DNAJC12: variants seen among roughly 807,000 people sequenced by gnomAD.
DNAJC12 encodes DnaJ heat shock protein family (Hsp40) member C12.
A neutral mutation model predicts 28.5 loss-of-function variants in DNAJC12; 25 were observed. That is an observed-to-expected ratio of 0.88 (90% CI 0.64 to 1.22). DNAJC12 has a LOEUF of 1.22. Ranked by LOEUF, DNAJC12 falls within the 50% of genes most tolerant of loss-of-function variation. DNAJC12 has a pLI of 0.00. For missense variants in DNAJC12, 222 were observed against 231.7 expected, an observed-to-expected ratio of 0.96 and a Z score of 0.27; for synonymous variants, 77 against 80.6, an observed-to-expected ratio of 0.95 and a Z score of 0.24.
chr10:67,805,549 CT>C, intron 4 of DNAJC12, 33 bp downstream of exon 4: 1 of 1,562,140 alleles, frequency 6.4e-7, no homozygotes, highest in Admixed American at 2.1e-5. Flanking sequence ...AATTTCAGAC[CT>C]TCTCCATTCT....
intron 1 of DNAJC12, among the ~76,000 whole-genome samples, chr10:67,824,900 A>C (rs567050343): frequency 3.8e-4 from 58 of 151,768 alleles, no homozygotes; most frequent in African/African-American, 1.3e-3. Context: ...CGCCTGGCTA[A>C]TTTTTGTATT....
chr10:67,799,613 G>A (rs567158874), intron 4 of DNAJC12, among the ~76,000 whole-genome samples: 1 of 152,288 alleles, frequency 6.6e-6, no homozygotes, highest in South Asian at 2.1e-4. Flanking sequence ...GGCCAGGTGC[G>A]GTGGCTCACG....
intron 1 of DNAJC12, among the ~76,000 whole-genome samples, chr10:67,828,120 A>G (rs1038776722): frequency 1.3e-5 from 2 of 152,116 alleles, no homozygotes; most frequent in Non-Finnish European, 2.9e-5. Context: ...AAAATTTTCA[A>G]CTCTACTCAT....
chr10:67,801,907 G>A (rs1040677033), intron 4 of DNAJC12, among the ~76,000 whole-genome samples: 1 of 122,024 alleles, frequency 8.2e-6, no homozygotes, highest in Non-Finnish European at 1.6e-5. Flanking sequence ...TATCACCCAG[G>A]CTGGAGTGCA....
intron 1 of DNAJC12, chr10:67,825,171 TAAG>T (rs1399255841): frequency 6.6e-6 from 1 of 152,222 alleles, no homozygotes; most frequent in Admixed American, 6.5e-5. Context: ...CTGATCATAA[TAAG>T]AACTCAATAA....
chr10:67,837,715 G>C (rs1248958909), intron 1 of DNAJC12, among the ~76,000 whole-genome samples: 1 of 152,074 alleles, frequency 6.6e-6, no homozygotes, highest in Non-Finnish European at 1.5e-5. Flanking sequence ...TATTTAATCA[G>C]AAGCTTCCGT....
rs141595506 is a variant in DNAJC12 at position 67,823,337 on chromosome 10, T to A, written c.134A>T (p.Lys45Met). 4.5e-5 allele frequency: 73 copies of A among 1,614,034 alleles called. No homozygotes were observed. The highest frequency in any genetic ancestry group is 5.9e-5 in the Non-Finnish European group (70 of 1,180,016). ...ACCAGCTTTGGGGTTTTCAGGATGCTTGTCTGGGTGACATTCCAGAGCTCT... is the reference window on the plus strand; with the variant it reads ...ACCAGCTTTGGGGTTTTCAGGATGCATGTCTGGGTGACATTCCAGAGCTCT... Reference protein sequence around the residue: ...KVRALECHPDKHPENPKAVET... With the variant: ...KVRALECHPDMHPENPKAVET... The change falls in exon 2 of 5, where the codon AAG (lysine) becomes ATG (methionine). Residue 45 changes from lysine (K) to methionine (M), a missense_variant. Transcript: ENST00000225171.
At chr10:67,828,349 A>G (rs1842058142) in intron 1 of DNAJC12, among the ~76,000 whole-genome samples, 1 of 152,170 alleles carries the variant, frequency 6.6e-6, no homozygotes, top group Non-Finnish European at 1.5e-5. Context: ...CTATATGTAG[A>G]TCAGCTCCAT....
intron 2 of DNAJC12, among the ~76,000 whole-genome samples, chr10:67,819,082 C>G (rs953223036): frequency 6.6e-6 from 1 of 152,142 alleles, no homozygotes; most frequent in Non-Finnish European, 1.5e-5. Context: ...GCCTGTAATC[C>G]CAGGACTCTG....
intron 2 of DNAJC12, among the ~76,000 whole-genome samples, chr10:67,819,770 G>T: frequency 5.8e-5 from 1 of 17,304 alleles, no homozygotes; most frequent in Non-Finnish European, 1.1e-4. Context: ...AAGGAAGGAA[G>T]GAAGGAAGGG....
chr10:67,822,097 G>A (rs1017244650), intron 2 of DNAJC12, among the ~76,000 whole-genome samples: 1 of 152,194 alleles, frequency 6.6e-6, no homozygotes, highest in African/African-American at 2.4e-5. Flanking sequence ...AGATTTGGGA[G>A]CCATCAAAAG....
At chr10:67,808,494 A>G (rs181195952) in intron 3 of DNAJC12, 8 of 152,274 alleles carry the variant, frequency 5.3e-5, no homozygotes, top group Admixed American at 3.3e-4. Context: ...GGTCAATACT[A>G]GGAAATAGTG....
chr10:67,799,487 A>G (rs1234002896), intron 4 of DNAJC12, among the ~76,000 whole-genome samples: 1 of 152,222 alleles, frequency 6.6e-6, no homozygotes, highest in East Asian at 1.9e-4. Context: ...TCGATAATAC[A>G]TATTTCTCTA....
chr10:67,837,901 CT>C, intron 1 of DNAJC12, 32 bp downstream of exon 1: 1 of 1,448,254 alleles, frequency 6.9e-7, no homozygotes. Context: ...AAAAAGAATA[CT>C]GTTGTGATAA....
intron 2 of DNAJC12, among the ~76,000 whole-genome samples, chr10:67,817,429 A>G (rs2131802197): frequency 6.6e-6 from 1 of 152,336 alleles, no homozygotes; most frequent in Non-Finnish European, 1.5e-5. Flanking sequence ...GACTATATTT[A>G]GTGGACGAAA....
At chr10:67,813,504 CT>C (rs1240841976) in intron 2 of DNAJC12, among the ~76,000 whole-genome samples, 1 of 151,856 alleles carries the variant, frequency 6.6e-6, no homozygotes, top group Non-Finnish European at 1.5e-5. Flanking sequence ...AATCCCAGCA[CT>C]TTGGGAGTCC....
chr10:67,832,705 C>A (rs1389398761), intron 1 of DNAJC12, among the ~76,000 whole-genome samples: 1 of 152,100 alleles, frequency 6.6e-6, no homozygotes, highest in East Asian at 1.9e-4. Flanking sequence ...CAGGCAAGAT[C>A]CACTGAAGGA....
Position 67,801,836 on chromosome 10 carries a change from C to CTTTTTTT in DNAJC12, c.502+3740_502+3746dup, listed in dbSNP as rs577511924. On this transcript the variant is annotated intron_variant, in intron 4 of 4. Transcript: ENST00000225171. ...TGATTCCCATCCCCTCCACTTCATT[C>CTTTTTTT]TTTTTTTTTTTTTTTTTTTTTTTTT... is the stretch of plus-strand genomic sequence containing the variant. Among the ~76,000 whole-genome samples the CTTTTTTT allele has an allele frequency of 9.7e-3, 253 of 26,162 alleles. 40 individuals carry two copies. The highest frequency in any genetic ancestry group is 0.1 in the Middle Eastern group (2 of 20). The allele number at this position is 26,162 out of a possible 152,430, so 17.2% of individuals were successfully genotyped here. A position where few individuals can be genotyped will look rare whatever the true frequency, so the allele number is the denominator to read the frequency against.
chr10:67,803,892 T>C (rs987070590), intron 4 of DNAJC12, among the ~76,000 whole-genome samples: 1 of 152,216 alleles, frequency 6.6e-6, no homozygotes, highest in African/African-American at 2.4e-5. Flanking sequence ...TCCACAGCCA[T>C]CTCTTGGGTA....
Sources: gnomAD v4.1 joint callset for allele counts (sites outside exome capture counted in the v4.1 genomes callset) on GRCh38, gnomAD v4.1.1 for gene constraint, MANE v1.5 for transcripts, NCBI Gene and HGNC (gene_info 2026-07-23, HGNC 2026-07-21) for gene names.